PPARGC1A: variants seen among roughly 807,000 people sequenced by gnomAD.
The protein encoded by PPARGC1A is PPARG coactivator 1 alpha, also known as peroxisome proliferator-activated receptor gamma coactivator 1-alpha.
PPARGC1A carries 25 observed loss-of-function variants against 88.7 expected under a neutral mutation model. That is an observed-to-expected ratio of 0.28 (90% CI 0.21 to 0.39). The LOEUF (loss-of-function observed/expected upper bound fraction) is 0.39. Among genes scored for constraint, PPARGC1A ranks in the 10% least tolerant of loss-of-function variants. PPARGC1A has a pLI of 1.00. For missense variants in PPARGC1A, 880 were observed against 968.7 expected (o/e 0.91, Z 1.22); for synonymous variants, 363 against 355.6 (o/e 1.02, Z -0.24).
chr4:23,831,544 G>A lies in PPARGC1A; in HGVS notation c.429+13C>T. On this transcript the variant is annotated intron_variant, in intron 3 of 12. Coordinates refer to ENST00000264867, the MANE Select transcript of PPARGC1A (RefSeq NM_013261.5). ...AACTCCAATTCCTGCTAAACAGTAG[G>A]AAGGGTTCTTACTAGAGACGGCTCT... 6.2e-7 allele frequency: 1 copy of A among 1,610,040 alleles called. No individual in the cohort carries two copies. The highest frequency in any genetic ancestry group is 8.5e-7 in the Non-Finnish European group (1 of 1,176,780).
At chr4:23,921,412 T>G in the PPARGC1A span, among the ~76,000 whole-genome samples, 1 of 152,212 alleles carries the variant, frequency 6.6e-6, no homozygotes, top group Non-Finnish European at 1.5e-5. Context: ...AAAACTATGT[T>G]TCTTCCAGCG....
chr4:24,339,221 TATATATATATATATATAC>T, the PPARGC1A span, among the ~76,000 whole-genome samples: 13 of 55,236 alleles, frequency 2.4e-4, no homozygotes, highest in East Asian at 7.5e-4. Context: ...TGTATATATA[TATATATATATATATATAC>T]ACACACACAC....
chr4:24,019,328 C>T, the PPARGC1A span, among the ~76,000 whole-genome samples: 1 of 151,878 alleles, frequency 6.6e-6, no homozygotes, highest in East Asian at 1.9e-4. Context: ...TCTGGCTAAA[C>T]ACTTTCATAC....
chr4:24,339,774 T>C, the PPARGC1A span, among the ~76,000 whole-genome samples: 1 of 152,252 alleles, frequency 6.6e-6, no homozygotes, highest in South Asian at 2.1e-4. Context: ...AGTCTAGCTC[T>C]GTCGTCCAGG....
chr4:24,304,733 C>A, the PPARGC1A span, among the ~76,000 whole-genome samples: 1 of 152,144 alleles, frequency 6.6e-6, no homozygotes, highest in South Asian at 2.1e-4. Context: ...AAAAAGTATA[C>A]CAAAACAACA....
intron 10 of PPARGC1A, among the ~76,000 whole-genome samples, chr4:23,803,731 G>T (rs926483520): frequency 1.3e-5 from 2 of 152,166 alleles, no homozygotes; most frequent in Non-Finnish European, 2.9e-5. Context: ...TGAATTTAAG[G>T]TTGCAGAGAT....
At chr4:24,131,056 T>C in the PPARGC1A span, among the ~76,000 whole-genome samples, 58 of 152,328 alleles carry the variant, frequency 3.8e-4, no homozygotes, top group Non-Finnish European at 7.6e-4. Flanking sequence ...TTCATCACAC[T>C]GCAACTTTAC....
chr4:24,029,072 A>G, the PPARGC1A span, among the ~76,000 whole-genome samples: 1 of 152,188 alleles, frequency 6.6e-6, no homozygotes, highest in African/African-American at 2.4e-5. Flanking sequence ...TTAGTTATTT[A>G]TATAATTATT....
At chr4:24,168,002 G>T in the PPARGC1A span, among the ~76,000 whole-genome samples, 2 of 152,090 alleles carry the variant, frequency 1.3e-5, no homozygotes, top group Non-Finnish European at 2.9e-5. Flanking sequence ...CAGTCTGCCT[G>T]CCTTGGCCTC....
chr4:24,365,942 C>G, the PPARGC1A span, among the ~76,000 whole-genome samples: 1 of 152,074 alleles, frequency 6.6e-6, no homozygotes, highest in African/African-American at 2.4e-5. Context: ...TTAGAACAGC[C>G]AGATCACTTA....
chr4:24,222,369 T>C, the PPARGC1A span, among the ~76,000 whole-genome samples: 114 of 152,328 alleles, frequency 7.5e-4, no homozygotes, highest in African/African-American at 2.6e-3. Context: ...ATTAAATACA[T>C]CAACTTCTCT....
chr4:24,286,006 T>C, the PPARGC1A span, among the ~76,000 whole-genome samples: 1 of 152,202 alleles, frequency 6.6e-6, no homozygotes, highest in Non-Finnish European at 1.5e-5. Context: ...GAGGAAACAA[T>C]GCTCCTATTA....
At chr4:24,209,657 G>C in the PPARGC1A span, among the ~76,000 whole-genome samples, 114 of 152,294 alleles carry the variant, frequency 7.5e-4, no homozygotes, top group African/African-American at 2.5e-3. Flanking sequence ...GCCAAGAAAG[G>C]AGCATTGCCT....
chr4:23,979,018 G>T, the PPARGC1A span, among the ~76,000 whole-genome samples: 1 of 152,040 alleles, frequency 6.6e-6, no homozygotes, highest in African/African-American at 2.4e-5. Context: ...AAGTAAAGAA[G>T]ACAGAAAATA....
chr4:24,336,704 T>TG, the PPARGC1A span, among the ~76,000 whole-genome samples: 2 of 152,184 alleles, frequency 1.3e-5, no homozygotes, highest in African/African-American at 4.8e-5. Flanking sequence ...CAAAATACAC[T>TG]GAGTCATACT....
intron 2 of PPARGC1A, among the ~76,000 whole-genome samples, chr4:23,863,518 A>G (rs919807626): frequency 2.0e-5 from 3 of 152,078 alleles, no homozygotes; most frequent in African/African-American, 7.2e-5. Context: ...CTGCTGCTCT[A>G]TTAGATGAGT....
At chr4:24,072,154 T>C in the PPARGC1A span, among the ~76,000 whole-genome samples, 1,028 of 147,486 alleles carry the variant, frequency 7.0e-3, 12 homozygotes, top group African/African-American at 0.024. Context: ...TTTATATATA[T>C]TTTATTTTTA....
intron 2 of PPARGC1A, among the ~76,000 whole-genome samples, chr4:23,873,020 C>G (rs1713765527): frequency 6.6e-6 from 1 of 151,474 alleles, no homozygotes; most frequent in Non-Finnish European, 1.5e-5. Context: ...GAAACCCCGT[C>G]TCTACTAAAA....
At chr4:23,895,215 C>G (rs1437063326) in intron 1 of PPARGC1A, among the ~76,000 whole-genome samples, 1 of 145,702 alleles carries the variant, frequency 6.9e-6, no homozygotes, top group Non-Finnish European at 1.5e-5. Flanking sequence ...TTTTTTAGTG[C>G]TTGAGTACTA....
Sources: gnomAD v4.1 joint callset for allele counts (sites outside exome capture counted in the v4.1 genomes callset) on GRCh38, gnomAD v4.1.1 for gene constraint, MANE v1.5 for transcripts, NCBI Gene and HGNC (gene_info 2026-07-23, HGNC 2026-07-21) for gene names.